The following STAG1 variants were observed in gnomAD, a reference collection of about 807,000 sequenced individuals.
The protein encoded by STAG1 is cohesin subunit SA-1.
STAG1 carries 26 observed loss-of-function variants against 170.9 expected under a neutral mutation model. That is an observed-to-expected ratio of 0.15 (90% CI 0.11 to 0.21). STAG1 has a LOEUF of 0.21. Among genes scored for constraint, STAG1 ranks in the 10% least tolerant of loss-of-function variants. The pLI is 1.00. For missense variants in STAG1, 964 were observed against 1,509.5 expected (o/e 0.64, Z 5.99); for synonymous variants, 514 against 497.7 (o/e 1.03, Z -0.44).
chr3:136,363,365 C>A lies in STAG1; in HGVS notation c.2787+1G>T, dbSNP rs767112146. ...TGTCTCCCTCTCTCCAAATTTCTTA[C>A]CTGTTGCAAACTGAGAATGAGAGTC... On this transcript the variant is annotated splice_donor_variant, in intron 26 of 33. Coordinates refer to ENST00000383202, the MANE Select transcript of STAG1 (RefSeq NM_005862.3). LOFTEE classifies it high-confidence loss of function. 6.5e-7 allele frequency: 1 copy of A among 1,547,770 alleles called. No homozygotes were observed.
At chr3:136,618,200 G>A (rs1183824266) in intron 3 of STAG1, among the ~76,000 whole-genome samples, 1 of 151,934 alleles carries the variant, frequency 6.6e-6, no homozygotes, top group Admixed American at 6.6e-5. Flanking sequence ...CACCTGCTCT[G>A]TCATAACCAT....
intron 1 of STAG1, among the ~76,000 whole-genome samples, chr3:136,744,218 T>C (rs1446681293): frequency 6.6e-6 from 1 of 152,096 alleles, no homozygotes; most frequent in Non-Finnish European, 1.5e-5. Flanking sequence ...TTCCAGCTAC[T>C]CGGGTGGCTG....
At chr3:136,683,438 A>G (rs1045872021) in intron 1 of STAG1, among the ~76,000 whole-genome samples, 18 of 151,900 alleles carry the variant, frequency 1.2e-4, no homozygotes, top group Non-Finnish European at 1.0e-4. Context: ...TAATTTTTGT[A>G]TGTTTTGTAG....
intron 1 of STAG1, among the ~76,000 whole-genome samples, chr3:136,639,032 C>T (rs747293977): frequency 1.2e-4 from 18 of 151,958 alleles, no homozygotes; most frequent in Non-Finnish European, 2.4e-4. Flanking sequence ...TTGCCTTATC[C>T]TAAATCACCC....
chr3:136,714,002 C>T (rs768200094), intron 1 of STAG1, among the ~76,000 whole-genome samples: 1 of 151,488 alleles, frequency 6.6e-6, no homozygotes, highest in Non-Finnish European at 1.5e-5. Context: ...CCAGCCTGGG[C>T]AACAGAGCAA....
intron 1 of STAG1, among the ~76,000 whole-genome samples, chr3:136,651,034 C>T (rs1452000252): frequency 1.3e-5 from 2 of 151,862 alleles, no homozygotes; most frequent in African/African-American, 2.4e-5. Context: ...GACAATGGAT[C>T]GTTCTGTCAG....
chr3:136,602,323 G>A (rs1938711411), intron 4 of STAG1, among the ~76,000 whole-genome samples: 1 of 149,466 alleles, frequency 6.7e-6, no homozygotes, highest in African/African-American at 2.5e-5. Flanking sequence ...AGGTTGCAGC[G>A]AGCCGGGATC....
intron 1 of STAG1, among the ~76,000 whole-genome samples, chr3:136,693,791 A>G (rs1048605788): frequency 6.6e-6 from 1 of 151,832 alleles, no homozygotes; most frequent in Non-Finnish European, 1.5e-5. Flanking sequence ...CTGGTATCAA[A>G]TTCCCAGGCT....
At chr3:136,551,180 TGAGA>T (rs200766766) in intron 5 of STAG1, among the ~76,000 whole-genome samples, 5 of 139,600 alleles carry the variant, frequency 3.6e-5, no homozygotes, top group Non-Finnish European at 4.6e-5. Context: ...TTTTTTTTTT[TGAGA>T]GAGAGAGAGA....
intron 21 of STAG1, among the ~76,000 whole-genome samples, chr3:136,402,173 G>A (rs1387149875): frequency 6.6e-6 from 1 of 152,046 alleles, no homozygotes; most frequent in African/African-American, 2.4e-5. Flanking sequence ...GTAGAATGCT[G>A]CAGGAACTAG....
At chr3:136,560,473 A>C (rs2107750428) in intron 5 of STAG1, among the ~76,000 whole-genome samples, 1 of 152,310 alleles carries the variant, frequency 6.6e-6, no homozygotes, top group Admixed American at 6.5e-5. Flanking sequence ...CTGTGTTCTT[A>C]GTTCTCTCAT....
chr3:136,533,937 A>G (rs1169715004), intron 6 of STAG1, among the ~76,000 whole-genome samples: 1 of 152,202 alleles, frequency 6.6e-6, no homozygotes, highest in Non-Finnish European at 1.5e-5. Context: ...AAGTTAAGCA[A>G]AACAAACAAA....
chr3:136,392,765 C>CAAAAAA (rs71157377), intron 22 of STAG1, among the ~76,000 whole-genome samples: 9 of 93,518 alleles, frequency 9.6e-5, no homozygotes, highest in Admixed American at 2.5e-4. Context: ...GGCTCCGTCT[C>CAAAAAA]AAAAAAAAAA....
intron 6 of STAG1, among the ~76,000 whole-genome samples, chr3:136,525,084 T>C (rs955046197): frequency 1.3e-5 from 2 of 152,212 alleles, no homozygotes; most frequent in African/African-American, 4.8e-5. Flanking sequence ...TGCCAGGCTT[T>C]GGTATCAAGA....
chr3:136,714,115 C>A (rs905783116), intron 1 of STAG1, among the ~76,000 whole-genome samples: 3 of 151,840 alleles, frequency 2.0e-5, no homozygotes, highest in African/African-American at 7.3e-5. Context: ...GAGGTGGAGG[C>A]TGCCCAGAGC....
chr3:136,653,719 C>T (rs1300391159), intron 1 of STAG1, among the ~76,000 whole-genome samples: 1 of 152,110 alleles, frequency 6.6e-6, no homozygotes, highest in Non-Finnish European at 1.5e-5. Context: ...CTTAACTTTG[C>T]TGAGAAAACA....
chr3:136,599,009 T>C (rs1384628067), intron 4 of STAG1, among the ~76,000 whole-genome samples: 1 of 152,140 alleles, frequency 6.6e-6, no homozygotes, highest in Non-Finnish European at 1.5e-5. Context: ...TCTTCAAAAA[T>C]TGTATCTAAG....
At chr3:136,722,523 G>C (rs1933340896) in intron 1 of STAG1, among the ~76,000 whole-genome samples, 1 of 152,158 alleles carries the variant, frequency 6.6e-6, no homozygotes, top group African/African-American at 2.4e-5. Flanking sequence ...AAGTTTTTAA[G>C]TAACTGTATG....
intron 5 of STAG1, among the ~76,000 whole-genome samples, chr3:136,549,017 C>G (rs1559873083): frequency 6.6e-6 from 1 of 152,184 alleles, no homozygotes; most frequent in Non-Finnish European, 1.5e-5. Context: ...CCTAGCCACG[C>G]TTCCTCTACA....
Sources: allele counts gnomAD v4.1 joint callset (sites outside exome capture counted in the v4.1 genomes callset), GRCh38; gene constraint gnomAD v4.1.1; transcripts MANE v1.5; gene names NCBI Gene and HGNC (gene_info 2026-07-23, HGNC 2026-07-21).